Variants in TP53BP1 observed in about 807,000 individuals in gnomAD.
TP53BP1 encodes tumor protein p53 binding protein 1.
A neutral mutation model predicts 200.8 loss-of-function variants in TP53BP1; 61 were observed. The ratio of observed to expected loss-of-function variants is 0.30; its 90% confidence interval spans 0.25 to 0.38. TP53BP1 has a LOEUF of 0.38. TP53BP1 is among the 10% of genes least tolerant of loss of function. TP53BP1 has a pLI of 1.00. For synonymous variants in TP53BP1, 822 were observed against 844.3 expected, an observed-to-expected ratio of 0.97 and a Z score of 0.46; for missense variants, 2,144 against 2,371.9, an observed-to-expected ratio of 0.90 and a Z score of 2.00.
intron 4 of TP53BP1, among the ~76,000 whole-genome samples, chr15:43,482,543 C>A (rs565287560): frequency 6.6e-6 from 1 of 152,104 alleles, no homozygotes; most frequent in South Asian, 2.1e-4. Context: ...CCGAAACAGG[C>A]GGATCACAAG....
Position 43,421,224 on chromosome 15 carries a change from T to A in TP53BP1, c.4101-50A>T, listed in dbSNP as rs762768682. On this transcript the variant is annotated intron_variant, in intron 19 of 27. Coordinates refer to ENST00000382044, the MANE Select transcript of TP53BP1 (RefSeq NM_001141980.3). ...TGATAGCACCTGCTACTGAATCTTT[T>A]CTTCACAAAGTCTCCCCTTGGCCCT... is the stretch of plus-strand genomic sequence containing the variant. 5.6e-6 allele frequency: 9 copies of A among 1,597,120 alleles called. No homozygotes were observed. In the Admixed American group the frequency reaches 1.5e-4, roughly 27 times the overall value.
intron 1 of TP53BP1, among the ~76,000 whole-genome samples, chr15:43,503,391 C>T (rs558727029): frequency 1.1e-4 from 16 of 152,332 alleles, no homozygotes; most frequent in African/African-American, 3.6e-4. Flanking sequence ...GGCAGAGTGG[C>T]TCACACCTGT....
chr15:43,448,822 C>T (rs2046101269), intron 12 of TP53BP1, among the ~76,000 whole-genome samples: 1 of 152,154 alleles, frequency 6.6e-6, no homozygotes, highest in South Asian at 2.1e-4. Context: ...TACATATGCT[C>T]AGCTAAAGAA....
intron 14 of TP53BP1, among the ~76,000 whole-genome samples, chr15:43,443,768 G>GA (rs1206589634): frequency 7.2e-5 from 11 of 152,068 alleles, no homozygotes; most frequent in African/African-American, 2.2e-4. Context: ...AGGTCGTACT[G>GA]AAAAAAATCC....
intron 10 of TP53BP1, among the ~76,000 whole-genome samples, chr15:43,472,062 C>CA (rs966026572): frequency 2.4e-4 from 37 of 152,308 alleles, no homozygotes; most frequent in African/African-American, 8.7e-4. Flanking sequence ...TTATGTTACT[C>CA]AAGAGCAGAG....
Position 43,456,580 on chromosome 15 carries a change from A to C in TP53BP1, c.2028T>G (p.Pro676=), listed in dbSNP as rs548109691. ...GSEVEEIPET[P]CESQGEELKE... ...TGAGTTCCTCTCCTTGACTTTCACAAGGTGTCTCAGGGATTTCTTCCACCT... is the reference window on the plus strand; with the variant it reads ...TGAGTTCCTCTCCTTGACTTTCACACGGTGTCTCAGGGATTTCTTCCACCT... The change falls in exon 12 of 28, where the codon CCT becomes CCG. Residue 676 remains proline (P), a synonymous_variant. Coordinates refer to ENST00000382044, the MANE Select transcript of TP53BP1 (RefSeq NM_001141980.3). 1.9e-6 allele frequency: 3 copies of C among 1,613,848 alleles called. No individual in the cohort carries two copies. The South Asian group carries it at 3.3e-5, about 18-fold the overall frequency.
chr15:43,421,296 G>C, intron 19 of TP53BP1, 122 bp from the exon 20 acceptor site: 1 of 1,068,898 alleles, frequency 9.4e-7, no homozygotes, highest in South Asian at 1.6e-5. Context: ...GGGGCAGCAG[G>C]AAGCTGGTTC....
chr15:43,404,640 G>A lies in TP53BP1; in HGVS notation c.*2743C>T. On this transcript the variant is annotated 3_prime_UTR_variant, in exon 28 of 28. Transcript: ENST00000382044. The stretch of plus-strand genomic sequence containing the variant: ...ATTCTAGAACTGGAAGAAGACTTTA[G>A]TCCAAATACCCTCATTTTATAAGTA... The A allele has an allele frequency of 5.7e-6, 8 of 1,401,254 alleles. No individual in the cohort carries two copies. The highest frequency in any genetic ancestry group is 7.9e-6 in the Non-Finnish European group (8 of 1,016,094). 86.8% of individuals were successfully genotyped at this position (1,401,254 alleles called of 1,614,324 possible).
intron 12 of TP53BP1, among the ~76,000 whole-genome samples, chr15:43,447,815 C>T (rs762586952): frequency 2.0e-5 from 3 of 152,176 alleles, no homozygotes; most frequent in South Asian, 4.1e-4. Flanking sequence ...CAAGACAGTA[C>T]ATCAGGGGAT....
chr15:43,469,760 A>T, intron 11 of TP53BP1, 98 bp downstream of exon 11: 1 of 1,018,942 alleles, frequency 9.8e-7, no homozygotes, highest in Non-Finnish European at 1.4e-6. Context: ...AAAATTATAC[A>T]TTTAAAACGT....
intron 21 of TP53BP1, chr15:43,416,891 G>C (rs557887465): frequency 6.5e-6 from 1 of 152,700 alleles, no homozygotes; most frequent in East Asian, 1.9e-4. Flanking sequence ...CAAAATTAGA[G>C]AGCAAAGAAA....
At chr15:43,462,285 C>T (rs2046458075) in intron 11 of TP53BP1, among the ~76,000 whole-genome samples, 1 of 103,980 alleles carries the variant, frequency 9.6e-6, no homozygotes, top group African/African-American at 3.1e-5. Flanking sequence ...GGTAGAATAA[C>T]TAATGATCTT....
chr15:43,480,050 T>A (rs1273217680), intron 5 of TP53BP1, 33 bp from the exon 6 acceptor site: 1 of 1,602,004 alleles, frequency 6.2e-7, no homozygotes, highest in African/African-American at 1.3e-5. Flanking sequence ...TTAGGTATCA[T>A]CCCACAACAT....
intron 8 of TP53BP1, 44 bp from the exon 9 acceptor site, chr15:43,475,738 C>T (rs975790759): frequency 1.6e-5 from 25 of 1,610,484 alleles, no homozygotes; most frequent in Non-Finnish European, 2.0e-5. Flanking sequence ...ATTGACACTA[C>T]TGAGCTGCCA....
chr15:43,477,451 T>G (rs1381593869), intron 8 of TP53BP1, 142 bp downstream of exon 8: 3 of 704,490 alleles, frequency 4.3e-6, no homozygotes, highest in Non-Finnish European at 6.7e-6. Flanking sequence ...TCTCACTAAT[T>G]ACTAGAAACA....
In TP53BP1 at chr15:43,479,438, C is replaced by T; in HGVS notation, c.747G>A (p.Lys249=). Residue 249 remains lysine, a synonymous_variant, in exon 7 of 28, where the codon AAG becomes AAA. Transcript: ENST00000382044. ...KDIPVTAQPS[K]DVHVVKEQNP... is the part of the protein sequence containing the mutation. ...TTTGCTCTTTTACAACATGTACATC[C>T]TTACTGGGCTGTGCTGTCACAGGGA... is the stretch of plus-strand genomic sequence containing the variant. 6.2e-7 allele frequency: 1 copy of T among 1,612,618 alleles called. No individual in the cohort carries two copies. The highest frequency in any genetic ancestry group is 1.1e-5 in the South Asian group (1 of 90,842).
intron 11 of TP53BP1, among the ~76,000 whole-genome samples, chr15:43,466,844 A>C (rs2046592756): frequency 6.6e-6 from 1 of 152,194 alleles, no homozygotes; most frequent in Admixed American, 6.5e-5. Context: ...GCAACAGGTC[A>C]AGACCCTGTG....
At position 43,406,824 on chromosome 15, in the gene TP53BP1, A is replaced by G. The variant is rs1336848176; in HGVS notation, c.*559T>C. On this transcript the variant is annotated 3_prime_UTR_variant, in exon 28 of 28. Transcript: ENST00000382044. ...TCAAGCTTATGGTCACTGTCCCTTC[A>G]TGGCAGTTGGTCCTTTCGTTCTCCC... 6.0e-6 allele frequency: 2 copies of G among 332,780 alleles called. No individual in the cohort carries two copies. Among genetic ancestry groups the G allele is most frequent in the Non-Finnish European group, 1.2e-5 (2 of 170,682 alleles). 20.6% of individuals were successfully genotyped at this position (332,780 alleles called of 1,614,324 possible).
rs1255399077 is a variant in TP53BP1 at position 43,469,966 on chromosome 15, G to C, written c.1281C>G (p.Leu427=). ...GEPVELENPP[L]LPESTVSPQA... ...GTGGTGATACAGTGGACTCAGGCAG[G>C]AGAGGGGGGTTTTCTAACTCCACTG... The change falls in exon 11 of 28, where the codon CTC becomes CTG. Residue 427 remains leucine (L), a synonymous_variant. Transcript: ENST00000382044. The C allele has an allele frequency of 5.6e-6, 9 of 1,613,908 alleles. No homozygotes were observed. The highest frequency in any genetic ancestry group is 7.6e-6 in the Non-Finnish European group (9 of 1,180,012).
Sources: allele counts gnomAD v4.1 joint callset (sites outside exome capture counted in the v4.1 genomes callset), GRCh38; gene constraint gnomAD v4.1.1; transcripts MANE v1.5; gene names NCBI Gene and HGNC (gene_info 2026-07-23, HGNC 2026-07-21).